ENO4: variants seen among roughly 807,000 people sequenced by gnomAD.
The protein encoded by ENO4 is 2-phospho-D-glycerate hydro-lyase.
A neutral mutation model predicts 63.2 loss-of-function variants in ENO4; 53 were observed. That is an observed-to-expected ratio of 0.84 (90% CI 0.67 to 1.05). ENO4 has a LOEUF of 1.05. Among genes scored for constraint, ENO4 ranks in the 50% least tolerant of loss-of-function variants. The probability of loss-of-function intolerance (pLI) is 0.00; values close to 1 mark genes in which losing one functional copy is unlikely to be tolerated. For missense variants in ENO4, 719 were observed against 772.0 expected (o/e 0.93, Z 0.81); for synonymous variants, 266 against 283.8 (o/e 0.94, Z 0.63).
intron 10 of ENO4, among the ~76,000 whole-genome samples, chr10:116,889,036 C>T (rs1006671757): frequency 1.3e-5 from 2 of 152,236 alleles, no homozygotes; most frequent in Non-Finnish European, 2.9e-5. Flanking sequence ...TTTCAGCATG[C>T]AAAGGAGGTA....
At chr10:116,884,289 T>G (rs752625394), downstream of ENO4, 2 of 457,544 alleles carry the variant, frequency 4.4e-6, no homozygotes, top group African/African-American at 4.0e-5. Context: ...CAAAACCCCC[T>G]CAAAACCAAA....
intron 3 of ENO4, 127 bp from the exon 4 acceptor site, chr10:116,858,863 T>C (rs906419281): frequency 1.0e-5 from 5 of 481,812 alleles, no homozygotes; most frequent in African/African-American, 7.9e-5. Flanking sequence ...TAAAGTTGAT[T>C]TGTTCTTAAG....
intron 10 of ENO4, among the ~76,000 whole-genome samples, chr10:116,905,314 T>G (rs1036294626): frequency 1.3e-5 from 2 of 151,872 alleles, no homozygotes; most frequent in Admixed American, 1.3e-4. Context: ...TGAATAACGA[T>G]TATATGTTAC....
intron 10 of ENO4, among the ~76,000 whole-genome samples, chr10:116,899,551 GA>G (rs1847654917): frequency 2.9e-5 from 1 of 34,736 alleles, no homozygotes; most frequent in African/African-American, 4.4e-5. Context: ...GTGTGTGAGA[GA>G]GTGCATGCAT....
chr10:116,871,099 T>G, intron 8 of ENO4, 26 bp from the exon 9 acceptor site: 1 of 1,548,592 alleles, frequency 6.5e-7, no homozygotes, highest in Non-Finnish European at 8.7e-7. Flanking sequence ...TGTATTGACA[T>G]GGATCATTGT....
intron 3 of ENO4, among the ~76,000 whole-genome samples, chr10:116,857,025 C>T (rs1280852959): frequency 6.6e-6 from 1 of 151,368 alleles, no homozygotes; most frequent in Non-Finnish European, 1.5e-5. Flanking sequence ...TACAAATATA[C>T]GTCCATTATC....
chr10:116,884,417 A>T (rs962777671), downstream of ENO4: 5 of 368,380 alleles, frequency 1.4e-5, no homozygotes, highest in African/African-American at 1.1e-4. Flanking sequence ...AAGCAGCTTA[A>T]AAAAGGCAGG....
At chr10:116,908,944 C>T (rs1024492901) in intron 10 of ENO4, among the ~76,000 whole-genome samples, 5 of 152,080 alleles carry the variant, frequency 3.3e-5, no homozygotes, top group African/African-American at 1.2e-4. Context: ...AATACAAGGG[C>T]AATTGTGGAG....
At chr10:116,896,621 T>TATA (rs989291317) in intron 10 of ENO4, among the ~76,000 whole-genome samples, 2 of 152,174 alleles carry the variant, frequency 1.3e-5, no homozygotes, top group African/African-American at 4.8e-5. Flanking sequence ...ATATGTTGAA[T>TATA]ATAGTGGTGA....
downstream of ENO4, chr10:116,886,513 G>T (rs1412410090): frequency 1.2e-6 from 2 of 1,613,978 alleles, no homozygotes; most frequent in Non-Finnish European, 1.7e-6. Flanking sequence ...AACTGGTTCG[G>T]CTTGTTTTTC....
At chr10:116,850,863 T>C (rs1846059936) in intron 1 of ENO4, among the ~76,000 whole-genome samples, 2 of 152,034 alleles carry the variant, frequency 1.3e-5, no homozygotes, top group South Asian at 2.1e-4. Flanking sequence ...CCAAAGGACA[T>C]AGTGACAGAA....
At chr10:116,869,349 T>C (rs1846629599) in intron 8 of ENO4, among the ~76,000 whole-genome samples, 1 of 152,152 alleles carries the variant, frequency 6.6e-6, no homozygotes, top group Non-Finnish European at 1.5e-5. Context: ...AATAAGAACT[T>C]TGAAGAGCAT....
chr10:116,849,614 G>A lies in ENO4; in HGVS notation c.48G>A (p.Leu16=). The A allele has an allele frequency of 6.5e-7, 1 of 1,550,016 alleles. No homozygotes were observed. Among genetic ancestry groups the A allele is most frequent in the South Asian group, 1.2e-5 (1 of 83,970 alleles). ...GGRSCGTTRE[L]QKLKQQAMEY... ...GCAGCTGTGGGACCACTAGGGAGCT[G>A]CAGAAGCTGAAGCAGCAGGCGATGG... is the stretch of plus-strand genomic sequence containing the variant. Residue 16 remains leucine, a synonymous_variant, in exon 1 of 14, where the codon CTG becomes CTA. Transcript: ENST00000341276.
intron 11 of ENO4, among the ~76,000 whole-genome samples, chr10:116,878,787 GA>G (rs201005567): frequency 0.011 from 1,388 of 121,800 alleles, 14 homozygotes; most frequent in East Asian, 0.091. Flanking sequence ...CTGTCGCCCA[GA>G]GCTGGAGTGC....
intron 3 of ENO4, among the ~76,000 whole-genome samples, chr10:116,858,399 G>A (rs541598202): frequency 6.6e-6 from 1 of 152,142 alleles, no homozygotes; most frequent in Non-Finnish European, 1.5e-5. Flanking sequence ...TGCCCTACTG[G>A]CATCTGGATT....
At chr10:116,881,493 A>T (rs1426847064) in intron 13 of ENO4, 22 bp from the exon 14 acceptor site, 6 of 1,517,434 alleles carry the variant, frequency 4.0e-6, no homozygotes, top group Non-Finnish European at 5.3e-6. Flanking sequence ...TAGACAGTAA[A>T]CTTTATTGTT....
chr10:116,871,331 TCCATGATTTTTAAATTAGAACTCAGAA>T (rs1846689980), intron 9 of ENO4, 39 bp downstream of exon 9: 2 of 1,485,822 alleles, frequency 1.3e-6, no homozygotes, highest in African/African-American at 1.4e-5. Context: ...CCTATTGAGA[TCCATGATTTTTAAATTAGAACTCAGAA>T]AAAAAAGAGC....
intron 13 of ENO4, among the ~76,000 whole-genome samples, chr10:116,880,509 C>T (rs968016612): frequency 9.9e-5 from 15 of 152,278 alleles, no homozygotes; most frequent in African/African-American, 3.4e-4. Context: ...GAGAGAAACA[C>T]ACCAAATATG....
chr10:116,876,289 C>A (rs11197840), intron 11 of ENO4, 29 bp downstream of exon 11: 4 of 1,481,774 alleles, frequency 2.7e-6, no homozygotes, highest in East Asian at 2.6e-5. Context: ...CTGAAAGACT[C>A]GTAATGACTT....
Sources: gnomAD v4.1 joint callset for allele counts (sites outside exome capture counted in the v4.1 genomes callset) on GRCh38, gnomAD v4.1.1 for gene constraint, MANE v1.5 for transcripts, NCBI Gene and HGNC (gene_info 2026-07-23, HGNC 2026-07-21) for gene names.